Variants in ENTREP2 observed in about 807,000 individuals in gnomAD.
ENTREP2 encodes endosomal transmembrane epsin interactor 2.
the ENTREP2 span, among the ~76,000 whole-genome samples, chr15:29,595,896 T>C: frequency 1.3e-5 from 2 of 152,122 alleles, no homozygotes; most frequent in Non-Finnish European, 2.9e-5. Flanking sequence ...TAACCCTTTC[T>C]TTATGGGAAT....
the ENTREP2 span, among the ~76,000 whole-genome samples, chr15:29,285,297 A>G: frequency 6.6e-6 from 1 of 152,204 alleles, no homozygotes; most frequent in Non-Finnish European, 1.5e-5. Flanking sequence ...TCTCCATGTC[A>G]GTACCAGCCT....
the ENTREP2 span, among the ~76,000 whole-genome samples, chr15:29,652,319 G>A: frequency 5.2e-4 from 79 of 152,174 alleles, no homozygotes; most frequent in Non-Finnish European, 4.4e-4. Context: ...GCAAAAAGGA[G>A]CTACCCACAG....
the ENTREP2 span, among the ~76,000 whole-genome samples, chr15:29,516,627 G>A: frequency 1.1e-4 from 16 of 152,132 alleles, no homozygotes; most frequent in Admixed American, 5.2e-4. Context: ...CAGGTACAAA[G>A]AGCTTCACTT....
chr15:29,480,869 G>A, the ENTREP2 span, among the ~76,000 whole-genome samples: 2 of 152,132 alleles, frequency 1.3e-5, no homozygotes, highest in Middle Eastern at 3.2e-3. Context: ...ATGTGGAGGC[G>A]AGACAAGGGG....
chr15:29,479,818 G>T, the ENTREP2 span, among the ~76,000 whole-genome samples: 4 of 152,158 alleles, frequency 2.6e-5, no homozygotes, highest in Non-Finnish European at 5.9e-5. Context: ...CCATTGGGCT[G>T]AAGGTGAGAG....
chr15:29,600,892 A>ATTTTTATTTTT, the ENTREP2 span, among the ~76,000 whole-genome samples: 1 of 97,958 alleles, frequency 1.0e-5, no homozygotes, highest in African/African-American at 7.0e-5. Flanking sequence ...GGAAAATATG[A>ATTTTTATTTTT]TTTTTCTTTC....
chr15:29,326,718 T>C, the ENTREP2 span, among the ~76,000 whole-genome samples: 1 of 152,026 alleles, frequency 6.6e-6, no homozygotes, highest in Non-Finnish European at 1.5e-5. Flanking sequence ...ATTCTCAAAC[T>C]TATATGAAGA....
At chr15:29,393,654 C>A in the ENTREP2 span, among the ~76,000 whole-genome samples, 1 of 152,086 alleles carries the variant, frequency 6.6e-6, no homozygotes, top group African/African-American at 2.4e-5. Context: ...AGCCAAAATG[C>A]CAGAATCAGA....
At chr15:29,219,519 G>A in the ENTREP2 span, among the ~76,000 whole-genome samples, 1 of 150,340 alleles carries the variant, frequency 6.7e-6, no homozygotes, top group African/African-American at 2.5e-5. Flanking sequence ...TACTTCACAC[G>A]CATGTTTATA....
the ENTREP2 span, among the ~76,000 whole-genome samples, chr15:29,313,754 C>T: frequency 6.6e-6 from 1 of 152,138 alleles, no homozygotes; most frequent in Non-Finnish European, 1.5e-5. Flanking sequence ...ACTTTCAAGT[C>T]TTATTATTTA....
chr15:29,548,843 C>T, the ENTREP2 span, among the ~76,000 whole-genome samples: 1 of 152,196 alleles, frequency 6.6e-6, no homozygotes, highest in East Asian at 1.9e-4. Flanking sequence ...TTTGATCACA[C>T]ATTCCCACAA....
the ENTREP2 span, among the ~76,000 whole-genome samples, chr15:29,646,406 G>A: frequency 3.3e-5 from 5 of 152,292 alleles, no homozygotes; most frequent in East Asian, 9.7e-4. Context: ...TTGTAGGACT[G>A]GGGAGCTTGT....
the ENTREP2 span, among the ~76,000 whole-genome samples, chr15:29,384,382 C>T: frequency 6.6e-6 from 1 of 152,170 alleles, no homozygotes; most frequent in African/African-American, 2.4e-5. Context: ...CCCGGTTCAT[C>T]TCTCTGCCCT....
chr15:29,645,606 G>T, the ENTREP2 span, among the ~76,000 whole-genome samples: 3 of 151,998 alleles, frequency 2.0e-5, no homozygotes, highest in Non-Finnish European at 4.4e-5. Context: ...CACCCAGGCT[G>T]CAGTGCAGTG....
the ENTREP2 span, chr15:29,266,736 G>A: frequency 6.6e-6 from 1 of 152,190 alleles, no homozygotes; most frequent in African/African-American, 2.4e-5. Context: ...AAATTATAAA[G>A]TCATACAACA....
the ENTREP2 span, among the ~76,000 whole-genome samples, chr15:29,304,575 A>C: frequency 1.3e-5 from 2 of 152,314 alleles, no homozygotes; most frequent in African/African-American, 2.4e-5. Flanking sequence ...CCTCCCTTGC[A>C]GCCTGCTCTC....
the ENTREP2 span, among the ~76,000 whole-genome samples, chr15:29,355,486 A>C: frequency 6.8e-6 from 1 of 147,460 alleles, no homozygotes; most frequent in African/African-American, 2.7e-5. Context: ...ATGCCAAAAA[A>C]GGGACAGAGT....
At chr15:29,539,159 G>C in the ENTREP2 span, among the ~76,000 whole-genome samples, 1 of 151,702 alleles carries the variant, frequency 6.6e-6, no homozygotes, top group South Asian at 2.1e-4. Flanking sequence ...GCCTGCCTGG[G>C]TTGGCAAGCA....
At chr15:29,322,634 C>T in the ENTREP2 span, among the ~76,000 whole-genome samples, 1 of 152,194 alleles carries the variant, frequency 6.6e-6, no homozygotes, top group Non-Finnish European at 1.5e-5. Context: ...GCTGTCTCCA[C>T]GAGTGCTGCT....
Sources: allele counts gnomAD v4.1 joint callset (sites outside exome capture counted in the v4.1 genomes callset), GRCh38; gene constraint gnomAD v4.1.1; transcripts MANE v1.5; gene names NCBI Gene and HGNC (gene_info 2026-07-23, HGNC 2026-07-21).